The following DMGDH variants were observed in gnomAD, a reference collection of about 807,000 sequenced individuals.
DMGDH encodes the protein dimethylglycine dehydrogenase, also known as dimethylglycine dehydrogenase, mitochondrial.
In DMGDH, 76 loss-of-function variants were observed where a neutral mutation model predicts 95.2. The ratio of observed to expected loss-of-function variants is 0.80; its 90% confidence interval spans 0.66 to 0.97. The LOEUF (loss-of-function observed/expected upper bound fraction) is 0.97. DMGDH is among the 50% of genes least tolerant of loss of function. The pLI, the probability that DMGDH is intolerant of heterozygous loss-of-function variation, is 0.00. For missense variants in DMGDH, 987 were observed against 1,055.0 expected, an observed-to-expected ratio of 0.94 and a Z score of 0.89; for synonymous variants, 345 against 377.6, an observed-to-expected ratio of 0.91 and a Z score of 1.00.
At chr5:79,064,897 G>A (rs1276882089) in intron 1 of DMGDH, among the ~76,000 whole-genome samples, 2 of 151,994 alleles carry the variant, frequency 1.3e-5, no homozygotes. Context: ...TTACAGGTGT[G>A]CACCACCACA....
At chr5:79,065,865 C>T (rs1447712420) in intron 1 of DMGDH, among the ~76,000 whole-genome samples, 2 of 152,068 alleles carry the variant, frequency 1.3e-5, no homozygotes, top group Admixed American at 6.5e-5. Flanking sequence ...TATAATCTTA[C>T]GGGACCACCA....
At chr5:79,024,353 A>C in intron 13 of DMGDH, 23 bp from the exon 14 acceptor site, 1 of 1,605,982 alleles carries the variant, frequency 6.2e-7, no homozygotes, top group South Asian at 1.1e-5. Flanking sequence ...CACACATTTT[A>C]AATCTTAGAT....
chr5:79,048,629 G>A (rs952382243), intron 5 of DMGDH, among the ~76,000 whole-genome samples: 1 of 152,094 alleles, frequency 6.6e-6, no homozygotes, highest in African/African-American at 2.4e-5. Flanking sequence ...CATAAAACTG[G>A]TCTTTGCTAG....
intron 2 of DMGDH, among the ~76,000 whole-genome samples, chr5:79,059,436 G>C (rs1040799612): frequency 1.2e-4 from 18 of 152,098 alleles, no homozygotes; most frequent in Non-Finnish European, 1.5e-4. Context: ...CCATATGAAG[G>C]TTTCTCTTCA....
chr5:79,028,463 G>T lies in DMGDH; in HGVS notation c.2002C>A (p.Pro668Thr), dbSNP rs1446023330. The change falls in exon 12 of 16, where the codon CCT (proline) becomes ACT (threonine). Residue 668 changes from proline to threonine, a missense_variant. Pro to Thr is a conservative substitution (Grantham distance 38). Coordinates refer to ENST00000255189, the MANE Select transcript of DMGDH (RefSeq NM_013391.3). ...QTKSLKVSNI[P>T]VTAIRISYTG... Reference sequence around the variant, plus strand: ...TAAGATATCCTAATAGCAGTGACAGGAATGTTGGAAACCTTTAAGGACTTG... The same window carrying T: ...TAAGATATCCTAATAGCAGTGACAGTAATGTTGGAAACCTTTAAGGACTTG... The T allele has an allele frequency of 6.2e-7, 1 of 1,613,852 alleles. No homozygotes were observed. Among genetic ancestry groups the T allele is most frequent in the Non-Finnish European group, 8.5e-7 (1 of 1,179,804 alleles).
intron 5 of DMGDH, among the ~76,000 whole-genome samples, chr5:79,047,851 A>G (rs970101422): frequency 1.3e-5 from 2 of 152,194 alleles, no homozygotes; most frequent in East Asian, 1.9e-4. Context: ...GTTATTTAAA[A>G]TGCAGCTTCT....
intron 2 of DMGDH, among the ~76,000 whole-genome samples, chr5:79,062,985 G>A (rs975650513): frequency 3.9e-5 from 6 of 152,100 alleles, no homozygotes; most frequent in Non-Finnish European, 4.4e-5. Context: ...ACAGCTACTC[G>A]GAAGGCTGAG....
chr5:79,033,209 T>C, intron 8 of DMGDH, 30 bp downstream of exon 8: 1 of 1,612,396 alleles, frequency 6.2e-7, no homozygotes, highest in African/African-American at 1.3e-5. Flanking sequence ...CCGTCAACAC[T>C]TTGTAGACAA....
chr5:79,000,867 A>G (rs1239902424), intron 15 of DMGDH: 4 of 646,404 alleles, frequency 6.2e-6, no homozygotes, highest in Non-Finnish European at 8.4e-6. Context: ...GCTATTCAAT[A>G]AATGGACAAG....
At chr5:79,052,917 G>T (rs1401882624) in intron 4 of DMGDH, among the ~76,000 whole-genome samples, 2 of 152,126 alleles carry the variant, frequency 1.3e-5, no homozygotes, top group Non-Finnish European at 2.9e-5. Flanking sequence ...CTCAGAGATG[G>T]GAACTGCTGC....
chr5:79,037,812 A>T (rs1399371177), intron 7 of DMGDH, among the ~76,000 whole-genome samples: 1 of 152,242 alleles, frequency 6.6e-6, no homozygotes, highest in Non-Finnish European at 1.5e-5. Flanking sequence ...ATTTAATACT[A>T]AAATTCAATT....
chr5:79,040,150 T>C (rs1754467817), intron 7 of DMGDH, among the ~76,000 whole-genome samples: 1 of 152,170 alleles, frequency 6.6e-6, no homozygotes, highest in African/African-American at 2.4e-5. Context: ...TTGTCCGAAG[T>C]GAGAGCAGTC....
At chr5:79,039,499 T>C (rs185602834) in intron 7 of DMGDH, among the ~76,000 whole-genome samples, 7 of 152,136 alleles carry the variant, frequency 4.6e-5, no homozygotes, top group Admixed American at 1.3e-4. Context: ...TAGGTCGGAA[T>C]TGAACAATGA....
intron 15 of DMGDH, among the ~76,000 whole-genome samples, chr5:79,004,678 T>A (rs577875715): frequency 7.2e-5 from 11 of 152,100 alleles, no homozygotes; most frequent in Non-Finnish European, 1.5e-4. Context: ...GAAAATAAAG[T>A]CCCATTGATA....
At chr5:79,013,987 C>T (rs1335560225) in intron 14 of DMGDH, among the ~76,000 whole-genome samples, 5 of 152,208 alleles carry the variant, frequency 3.3e-5, no homozygotes, top group Admixed American at 2.6e-4. Context: ...AGATCCAAAT[C>T]ATATCACTCC....
chr5:79,038,129 G>A (rs954797650), intron 7 of DMGDH, among the ~76,000 whole-genome samples: 30 of 152,128 alleles, frequency 2.0e-4, no homozygotes, highest in Non-Finnish European at 1.0e-4. Flanking sequence ...CAAAGTTGGA[G>A]GATTCATACT....
intron 2 of DMGDH, among the ~76,000 whole-genome samples, chr5:79,057,252 A>T (rs2112667269): frequency 6.6e-6 from 1 of 152,364 alleles, no homozygotes; most frequent in African/African-American, 2.4e-5. Flanking sequence ...CCAGAAAAAG[A>T]ATTCTAAGCA....
At chr5:79,029,557 T>A (rs7735031) in intron 11 of DMGDH, among the ~76,000 whole-genome samples, 50,129 of 151,994 alleles carry the variant, frequency 0.33, 9,024 homozygotes, top group African/African-American at 0.48. Context: ...AGTTCCCTTA[T>A]CCCAAACCTC....
At chr5:78,999,078 G>A (rs1343936642) in intron 15 of DMGDH, among the ~76,000 whole-genome samples, 5 of 152,172 alleles carry the variant, frequency 3.3e-5, no homozygotes, top group African/African-American at 1.2e-4. Context: ...AATCCTTAAA[G>A]TCCTACCGTC....
Sources: allele counts gnomAD v4.1 joint callset (sites outside exome capture counted in the v4.1 genomes callset), GRCh38; gene constraint gnomAD v4.1.1; transcripts MANE v1.5; gene names NCBI Gene and HGNC (gene_info 2026-07-23, HGNC 2026-07-21).